The following KLK5 variants were observed in gnomAD, a reference collection of about 807,000 sequenced individuals.
KLK5 encodes the protein kallikrein related peptidase 5, also known as kallikrein-5.
KLK5 carries 18 observed loss-of-function variants against 24.0 expected under a neutral mutation model. The observed-to-expected ratio is 0.75, with a 90% CI of 0.52 to 1.11. The LOEUF (loss-of-function observed/expected upper bound fraction) is 1.11, where lower values mean the gene tolerates loss of function less well. KLK5 is among the 50% of genes most tolerant of loss of function. KLK5 has a pLI of 0.00. For missense variants in KLK5, 374 were observed against 379.2 expected, an observed-to-expected ratio of 0.99 and a Z score of 0.11; for synonymous variants, 140 against 154.0, an observed-to-expected ratio of 0.91 and a Z score of 0.67.
In KLK5 at chr19:50,947,789, A is replaced by T. The variant is rs1362486632; in HGVS notation, c.726+851T>A. On this transcript the variant is annotated intron_variant, in intron 5 of 5. Transcript: ENST00000336334. This position sits in a 1 kb window ranked among gnomAD's most constrained non-coding sequence, Gnocchi z 8.7. ...AACTGCCAAAACTGACATCTGTAAC[A>T]CGGAGTGCCCCTATTAGATATGGTA... is the stretch of plus-strand genomic sequence containing the variant. 6.6e-6 allele frequency among the ~76,000 whole-genome samples: 1 copy of T among 152,192 alleles called. No individual in the cohort carries two copies. The highest frequency in any genetic ancestry group is 2.4e-5 in the African/African-American group (1 of 41,450).
chr19:50,945,841 T>C (rs908670182), intron 5 of KLK5, among the ~76,000 whole-genome samples: 3 of 126,662 alleles, frequency 2.4e-5, no homozygotes, highest in African/African-American at 7.8e-5. Context: ...CATACTACAA[T>C]AATGATGTAA....
At chr19:50,950,469 G>T (rs981700660) in intron 2 of KLK5, among the ~76,000 whole-genome samples, 4 of 152,144 alleles carry the variant, frequency 2.6e-5, no homozygotes, top group Non-Finnish European at 4.4e-5. Flanking sequence ...GGGCTTTAGG[G>T]ATGGAACTGG....
chr19:50,949,125 A>T lies in KLK5; in HGVS notation c.336-10T>A. On this transcript the variant is annotated splice_polypyrimidine_tract_variant and intron_variant, in intron 3 of 5. Coordinates refer to ENST00000336334, the MANE Select transcript of KLK5 (RefSeq NM_012427.5). ...ACGGACTCTGAAAACTCTGAGGAAGATGGGGCAGGTCACCACCAACCCTGA... is the reference window on the plus strand; with the variant it reads ...ACGGACTCTGAAAACTCTGAGGAAGTTGGGGCAGGTCACCACCAACCCTGA... 6.2e-7 allele frequency: 1 copy of T among 1,609,646 alleles called. No individual in the cohort carries two copies. The highest frequency in any genetic ancestry group is 8.5e-7 in the Non-Finnish European group (1 of 1,179,244).
At chr19:50,948,310 A>G (rs1003655904) in intron 5 of KLK5, among the ~76,000 whole-genome samples, 1 of 151,744 alleles carries the variant, frequency 6.6e-6, no homozygotes, top group African/African-American at 2.4e-5. Context: ...TTTTTTAGAG[A>G]CAGAGTTTCG....
intron 5 of KLK5, among the ~76,000 whole-genome samples, chr19:50,945,532 C>T (rs2090624210): frequency 1.3e-5 from 2 of 151,790 alleles, no homozygotes; most frequent in African/African-American, 2.4e-5. Context: ...GTGGCTCACA[C>T]CTGTAATACC....
At chr19:50,952,544 C>T in intron 2 of KLK5, 41 bp downstream of exon 2, 2 of 1,484,396 alleles carry the variant, frequency 1.3e-6, no homozygotes, top group Admixed American at 1.9e-5. Context: ...AGAGACAGTC[C>T]TCCCAATCCC....
At chr19:50,951,420 G>A (rs377456487) in intron 2 of KLK5, among the ~76,000 whole-genome samples, 97 of 152,114 alleles carry the variant, frequency 6.4e-4, no homozygotes, top group African/African-American at 2.2e-3. Context: ...TTACAGGCAC[G>A]CGCCACCACA....
rs958915583 is a variant in KLK5 at position 50,952,667 on chromosome 19, A to G, written c.-10T>C. 6 of 1,593,170 alleles carry G rather than the reference A, an allele frequency of 3.8e-6. No homozygotes were observed. Among genetic ancestry groups the G allele is most frequent in the Non-Finnish European group, 5.1e-6 (6 of 1,169,658 alleles). On this transcript the variant is annotated splice_region_variant and 5_prime_UTR_variant, in exon 2 of 6. Transcript: ENST00000336334. ...GTCTTGCTGTAGCCATGGCCGCTGC[A>G]CCTGGATGGGGAATGTCAGAGGGTT...
intron 5 of KLK5, 49 bp from the exon 6 acceptor site, chr19:50,943,835 G>C: frequency 6.6e-7 from 1 of 1,522,838 alleles, no homozygotes; most frequent in Non-Finnish European, 9.0e-7. Flanking sequence ...GTGGCAAAGT[G>C]GGCAGAAGGA....
chr19:50,946,497 T>G (rs1171465667), intron 5 of KLK5, among the ~76,000 whole-genome samples: 1 of 152,102 alleles, frequency 6.6e-6, no homozygotes, highest in Non-Finnish European at 1.5e-5. Flanking sequence ...GATACTAACC[T>G]TGCCTACAGA....
At chr19:50,951,582 C>T (rs967607453) in intron 2 of KLK5, among the ~76,000 whole-genome samples, 8 of 152,004 alleles carry the variant, frequency 5.3e-5, no homozygotes, top group African/African-American at 1.9e-4. Context: ...TGGTTCTTAC[C>T]CTTGCTGATG....
At chr19:50,949,710 A>G in intron 3 of KLK5, 145 bp downstream of exon 3, 1 of 534,994 alleles carries the variant, frequency 1.9e-6, no homozygotes, top group South Asian at 2.0e-5. Flanking sequence ...ACCCATCCCC[A>G]CCAACCCTCA....
chr19:50,951,764 G>A (rs1226615409), intron 2 of KLK5, among the ~76,000 whole-genome samples: 1 of 152,078 alleles, frequency 6.6e-6, no homozygotes, highest in African/African-American at 2.4e-5. Context: ...TAGCGGGATC[G>A]CACACCCTCA....
At chr19:50,950,502 T>C (rs1170971280) in intron 2 of KLK5, among the ~76,000 whole-genome samples, 1 of 151,984 alleles carries the variant, frequency 6.6e-6, no homozygotes, top group Non-Finnish European at 1.5e-5. Context: ...GGGTCAGGCC[T>C]CAGTGAGTGG....
rs560923258 is a variant in KLK5, at chr19:50,946,781, C to G, written c.726+1859G>C. The stretch of plus-strand genomic sequence containing the variant: ...TCACCGTGTCAGCCAGGATGGTCTC[C>G]ATCTCCTGACCTAGTGATCCACCCG... On this transcript the variant is annotated intron_variant, in intron 5 of 5. Transcript: ENST00000336334. Among the ~76,000 whole-genome samples the G allele has an allele frequency of 1.8e-4, 28 of 152,230 alleles. 1 individual carries two copies. In the Middle Eastern group the frequency reaches 0.01, roughly 55 times the overall value.
In KLK5 at chr19:50,949,959, G is replaced by T. The variant is rs2090671515; in HGVS notation, c.231C>A (p.Thr77=). ...GCAACAGCGCGGCCTGCCACGGCTG[G>T]GTGTGCATATCGCAGTCGGATCCAT... ...IINGSDCDMH[T]QPWQAALLLR... The change falls in exon 3 of 6, where the codon ACC becomes ACA. Residue 77 remains threonine, a synonymous_variant. Coordinates refer to ENST00000336334, the MANE Select transcript of KLK5 (RefSeq NM_012427.5). 1.2e-6 allele frequency: 2 copies of T among 1,613,696 alleles called. No homozygotes were observed. Among genetic ancestry groups the T allele is most frequent in the South Asian group, 2.2e-5 (2 of 91,068 alleles).
rs2090656611 is a variant in KLK5, at chr19:50,948,710, T to A, written c.656A>T (p.Asp219Val). The change falls in exon 5 of 6, where the codon GAT becomes GTT. Residue 219 changes from aspartate to valine, a missense_variant. Asp to Val is a radical substitution (Grantham distance 152). Coordinates refer to ENST00000336334, the MANE Select transcript of KLK5 (RefSeq NM_012427.5). ...GTCATCTATCTGTCTCGGGTAAGCA[T>A]CCTCGCACCTTTTCTGACTTAGCAC... ...ISVLSQKRCE[D>V]AYPRQIDDTM... 1 of 1,614,142 alleles carries A rather than the reference T, an allele frequency of 6.2e-7. No individual in the cohort carries two copies. Among genetic ancestry groups the A allele is most frequent in the Non-Finnish European group, 8.5e-7 (1 of 1,180,034 alleles).
In KLK5 at chr19:50,950,040, C is replaced by A. The variant is rs777651488; in HGVS notation, c.150G>T (p.Leu50=). ...GGGCGTCTTCCCCGGCCCCAGCTCC[C>A]AGGTCCTGGTTGCTCCCAGAGGGCA... The part of the protein sequence containing the change: ...NTVPSGSNQD[L]GAGAGEDARS... The change falls in exon 3 of 6, where the codon CTG becomes CTT. Residue 50 remains leucine (L), a synonymous_variant. Transcript: ENST00000336334. 6.2e-7 allele frequency: 1 copy of A among 1,613,758 alleles called. No individual in the cohort carries two copies. The highest frequency in any genetic ancestry group is 8.5e-7 in the Non-Finnish European group (1 of 1,179,944).
rs542092594 is a variant in KLK5 at position 50,946,794 on chromosome 19, A to T, written c.726+1846T>A. ...CAGGATGGTCTCCATCTCCTGACCT[A>T]GTGATCCACCCGCCTCGGCCTCCCA... On this transcript the variant is annotated intron_variant, in intron 5 of 5. Coordinates refer to ENST00000336334, the MANE Select transcript of KLK5 (RefSeq NM_012427.5). 2.8e-4 allele frequency among the ~76,000 whole-genome samples: 43 copies of T among 151,954 alleles called. 1 individual carries two copies. In the East Asian group the frequency reaches 6.0e-3, roughly 21 times the overall value.
Sources: gnomAD v4.1 joint callset for allele counts (sites outside exome capture counted in the v4.1 genomes callset) on GRCh38, gnomAD v4.1.1 for gene constraint, Gnocchi (gnomAD v3.1) non-coding constraint, MANE v1.5 for transcripts, NCBI Gene and HGNC (gene_info 2026-07-23, HGNC 2026-07-21) for gene names.